The following SH3D19 variants were observed in gnomAD, a reference collection of about 807,000 sequenced individuals.
The protein encoded by SH3D19 is SH3 domain-containing protein 19.
Under a neutral mutation model 112.1 loss-of-function variants are expected in SH3D19, and 58 were observed. The observed-to-expected ratio is 0.52, with a 90% CI of 0.42 to 0.64. SH3D19 has a LOEUF of 0.64. SH3D19 is among the 30% of genes least tolerant of loss of function. SH3D19 has a pLI of 0.00. For missense variants in SH3D19, 1,090 were observed against 1,263.4 expected (o/e 0.86, Z 2.08); for synonymous variants, 391 against 448.5 (o/e 0.87, Z 1.62).
At chr4:151,179,440 G>A in intron 3 of SH3D19, 43 bp from the exon 4 acceptor site, 2 of 1,154,144 alleles carry the variant, frequency 1.7e-6, no homozygotes, top group Non-Finnish European at 2.2e-6. Flanking sequence ...AAATTAGTAT[G>A]TTTGGTAAGG....
intron 1 of SH3D19, among the ~76,000 whole-genome samples, chr4:151,317,253 T>C (rs1403678107): frequency 6.6e-6 from 1 of 152,198 alleles, no homozygotes; most frequent in Non-Finnish European, 1.5e-5. Context: ...GTAAACTATG[T>C]CGGAAGTTAT....
intron 1 of SH3D19, among the ~76,000 whole-genome samples, chr4:151,231,185 C>A (rs1252637212): frequency 1.3e-5 from 2 of 152,030 alleles, no homozygotes; most frequent in Non-Finnish European, 2.9e-5. Context: ...CATAAGATAT[C>A]CAGTGTTCAT....
chr4:151,260,985 T>C (rs1361901884), intron 1 of SH3D19: 1 of 152,206 alleles, frequency 6.6e-6, no homozygotes, highest in South Asian at 2.1e-4. Flanking sequence ...ATAACATTTA[T>C]CACAATTTTA....
At chr4:151,241,414 A>G (rs2407222) in intron 1 of SH3D19, among the ~76,000 whole-genome samples, 110,229 of 151,898 alleles carry the variant, frequency 0.73, 44,815 homozygotes, top group Non-Finnish European at 0.91. Context: ...GACAGAAAGT[A>G]TTATAAATTA....
At position 151,149,465 on chromosome 4, in the gene SH3D19, T is replaced by C. The variant is rs747790722; in HGVS notation, c.1817+35A>G. 8 of 1,562,428 alleles carry C rather than the reference T, an allele frequency of 5.1e-6. No homozygotes were observed. In the South Asian group the frequency reaches 7.9e-5, roughly 15 times the overall value. ...AAAAAAGAGTTGGGTCTCTGAGTCA[T>C]TAATTTTTCTCTAACTTTTCCCACA... is the stretch of plus-strand genomic sequence containing the variant. On this transcript the variant is annotated intron_variant, in intron 10 of 19. Coordinates refer to ENST00000604030, the MANE Select transcript of SH3D19 (RefSeq NM_001378122.1).
At position 151,205,281 on chromosome 4, in the gene SH3D19, C is replaced by A. The variant is rs562952687; in HGVS notation, c.153-17818G>T. 2.0e-4 allele frequency among the ~76,000 whole-genome samples: 30 copies of A among 152,332 alleles called. No individual in the cohort carries two copies. In the South Asian group the frequency reaches 5.2e-3, roughly 26 times the overall value. ...GTGCAAGCTCTCATTCTTCCTTTCT[C>A]TCTGAAACCACATCATCTCTGCTTC... On this transcript the variant is annotated intron_variant, in intron 2 of 19. Coordinates refer to ENST00000604030, the MANE Select transcript of SH3D19 (RefSeq NM_001378122.1).
chr4:151,293,104 A>C (rs1775459313), intron 1 of SH3D19, among the ~76,000 whole-genome samples: 1 of 151,984 alleles, frequency 6.6e-6, no homozygotes. Context: ...TGGGCGAGAG[A>C]GCCAGACTCT....
chr4:151,307,179 C>T (rs1013785418), intron 1 of SH3D19, among the ~76,000 whole-genome samples: 14 of 151,328 alleles, frequency 9.3e-5, no homozygotes, highest in South Asian at 4.2e-4. Context: ...CCACTACGCC[C>T]GGCTAATTTT....
At chr4:151,197,764 T>A (rs1020049258) in intron 2 of SH3D19, among the ~76,000 whole-genome samples, 3 of 152,060 alleles carry the variant, frequency 2.0e-5, no homozygotes, top group African/African-American at 7.2e-5. Flanking sequence ...TAATAAGGGA[T>A]AATAGTGGTC....
At chr4:151,234,904 C>T (rs1357113164) in intron 1 of SH3D19, among the ~76,000 whole-genome samples, 1 of 151,502 alleles carries the variant, frequency 6.6e-6, no homozygotes, top group South Asian at 2.1e-4. Flanking sequence ...CCATCACACC[C>T]GGGTAATTAA....
chr4:151,284,992 C>G (rs960985868), intron 1 of SH3D19, among the ~76,000 whole-genome samples: 1 of 152,148 alleles, frequency 6.6e-6, no homozygotes, highest in Non-Finnish European at 1.5e-5. Flanking sequence ...TAAGGTAGCT[C>G]TGAACTCTAT....
At chr4:151,299,819 C>G (rs4610316) in intron 1 of SH3D19, among the ~76,000 whole-genome samples, 4 of 151,846 alleles carry the variant, frequency 2.6e-5, no homozygotes, top group African/African-American at 9.7e-5. Context: ...AGGAAAAATA[C>G]GCTAACCCAT....
chr4:151,198,077 G>A (rs560427939), intron 2 of SH3D19, among the ~76,000 whole-genome samples: 5 of 151,712 alleles, frequency 3.3e-5, no homozygotes, highest in South Asian at 2.1e-4. Context: ...AGGCTGAGGC[G>A]GGCGAATAAC....
intron 2 of SH3D19, among the ~76,000 whole-genome samples, chr4:151,225,504 C>G (rs1442103904): frequency 1.3e-5 from 2 of 152,038 alleles, no homozygotes; most frequent in Non-Finnish European, 2.9e-5. Flanking sequence ...AAATACCTAA[C>G]AAAAACATAA....
rs569299258 is a variant in SH3D19, at chr4:151,218,253, A to T, written c.152+7794T>A. On this transcript the variant is annotated intron_variant, in intron 2 of 19. Transcript: ENST00000604030. The stretch of plus-strand genomic sequence containing the variant: ...CAGGTAAAATCTGAAGTGTTTAATC[A>T]ATTTTTTCTGAACATTCTTGACTAT... Among the ~76,000 whole-genome samples the T allele has an allele frequency of 2.6e-5, 4 of 152,266 alleles. No homozygotes were observed. In the South Asian group the frequency reaches 8.3e-4, roughly 32 times the overall value.
chr4:151,270,776 G>A (rs560336250), intron 1 of SH3D19, among the ~76,000 whole-genome samples: 1 of 152,272 alleles, frequency 6.6e-6, no homozygotes, highest in Admixed American at 6.5e-5. Flanking sequence ...GCACATGACT[G>A]TATATGGACT....
At chr4:151,223,221 A>G (rs1184492745) in intron 2 of SH3D19, among the ~76,000 whole-genome samples, 1 of 150,660 alleles carries the variant, frequency 6.6e-6, no homozygotes, top group African/African-American at 2.4e-5. Flanking sequence ...AGCAGCTGGT[A>G]TCTTTTGATG....
intron 2 of SH3D19, among the ~76,000 whole-genome samples, chr4:151,223,357 T>C (rs982842325): frequency 7.2e-5 from 11 of 152,166 alleles, no homozygotes; most frequent in African/African-American, 2.7e-4. Flanking sequence ...ATGGGATCCA[T>C]TATCATCATT....
chr4:151,281,244 A>G (rs113289042), intron 1 of SH3D19, among the ~76,000 whole-genome samples: 41 of 152,340 alleles, frequency 2.7e-4, no homozygotes, highest in Middle Eastern at 3.4e-3. Context: ...AGCCTGGGGA[A>G]TGAGACTGGT....
Sources: allele counts gnomAD v4.1 joint callset (sites outside exome capture counted in the v4.1 genomes callset), GRCh38; gene constraint gnomAD v4.1.1; transcripts MANE v1.5; gene names NCBI Gene and HGNC (gene_info 2026-07-23, HGNC 2026-07-21).